ASAH2: variants seen among roughly 807,000 people sequenced by gnomAD.
ASAH2 encodes the protein N-acylsphingosine amidohydrolase 2.
In ASAH2, 58 loss-of-function variants were observed where a neutral mutation model predicts 82.9. The ratio of observed to expected loss-of-function variants is 0.70; its 90% CI spans 0.57 to 0.87. The LOEUF (loss-of-function observed/expected upper bound fraction) is 0.87, where lower values mean the gene tolerates loss of function less well. Ranked by LOEUF, ASAH2 falls within the 40% of genes least tolerant of loss-of-function variation. ASAH2 has a pLI of 0.00. For missense variants in ASAH2, 779 were observed against 834.0 expected, an observed-to-expected ratio of 0.93 and a Z score of 0.81; for synonymous variants, 276 against 289.7, an observed-to-expected ratio of 0.95 and a Z score of 0.48.
At chr10:50,234,699 T>TC in intron 5 of ASAH2, 147 bp from the exon 6 acceptor site, 2 of 1,142,370 alleles carry the variant, frequency 1.8e-6, no homozygotes, top group Non-Finnish European at 1.3e-6. Context: ...GAGAACCACA[T>TC]CGCTGTTGAC....
rs1589348176 is a variant in ASAH2 at position 50,230,768 on chromosome 10, G to A, written c.893+2416C>T. ...TAAATGATTCAAAAACTGGCCAGGT[G>A]CAGTAGCTCACACCTGTAATCCAAG... On this transcript the variant is annotated intron_variant, in intron 7 of 20. Transcript: ENST00000682911. 3.3e-5 allele frequency among the ~76,000 whole-genome samples: 5 copies of A among 152,194 alleles called. No individual in the cohort carries two copies. In the East Asian group the frequency reaches 9.7e-4, roughly 29 times the overall value.
intron 4 of ASAH2, among the ~76,000 whole-genome samples, chr10:50,238,488 A>T (rs1846212568): frequency 6.6e-6 from 1 of 152,152 alleles, no homozygotes; most frequent in African/African-American, 2.4e-5. Flanking sequence ...CTTTGGTCCT[A>T]ACTCCAGCCC....
intron 3 of ASAH2, 135 bp from the exon 4 acceptor site, chr10:50,243,486 G>A (rs1188130336): frequency 2.9e-5 from 26 of 890,230 alleles, no homozygotes; most frequent in Non-Finnish European, 4.0e-5. Context: ...CTGAGTGAGA[G>A]GATATATGTT....
intron 4 of ASAH2, among the ~76,000 whole-genome samples, chr10:50,238,228 G>T (rs960171046): frequency 6.6e-6 from 1 of 152,066 alleles, no homozygotes; most frequent in East Asian, 1.9e-4. Context: ...CTCACTGCTG[G>T]TAAGTGGGGA....
intron 4 of ASAH2, among the ~76,000 whole-genome samples, chr10:50,241,267 G>C (rs1846285608): frequency 6.6e-6 from 1 of 152,154 alleles, no homozygotes; most frequent in African/African-American, 2.4e-5. Flanking sequence ...AATCATAAGT[G>C]TTTGTTGTTT....
chr10:50,200,845 G>T (rs1845129445), intron 16 of ASAH2, among the ~76,000 whole-genome samples: 1 of 152,120 alleles, frequency 6.6e-6, no homozygotes, highest in Admixed American at 6.6e-5. Flanking sequence ...GAAGAGAGTG[G>T]TTCCCTGGCA....
rs1457585566 is a variant in ASAH2, at chr10:50,245,314, T to C, written c.268A>G (p.Thr90Ala). 1 of 1,613,908 alleles carries C rather than the reference T, an allele frequency of 6.2e-7. No homozygotes were observed. Reference protein sequence around the residue: ...TATQTSPVPLTPESPLFQNFS... With the variant: ...TATQTSPVPLAPESPLFQNFS... ...TTCTGAAATAGAGGAGACTCTGGGG[T>C]TAAAGGCACTGGAGAAGTTTGAGTG... Residue 90 changes from threonine (T) to alanine (A), a missense_variant, in exon 3 of 21, where the codon ACC becomes GCC. Transcript: ENST00000682911.
chr10:50,201,810 T>C (rs1036292085), intron 16 of ASAH2, among the ~76,000 whole-genome samples: 3 of 152,168 alleles, frequency 2.0e-5, no homozygotes, highest in African/African-American at 7.2e-5. Context: ...TATGTGCTTC[T>C]TTATTATGCT....
chr10:50,224,050 TGG>T (rs1270310883), intron 7 of ASAH2, among the ~76,000 whole-genome samples: 13 of 152,192 alleles, frequency 8.5e-5, no homozygotes, highest in Admixed American at 6.5e-4. Context: ...TGATAATGTG[TGG>T]CTTCCCTAGG....
chr10:50,245,531 A>G (rs1039249569), intron 2 of ASAH2, 77 bp from the exon 3 acceptor site: 8 of 1,287,200 alleles, frequency 6.2e-6, no homozygotes, highest in African/African-American at 6.1e-5. Context: ...CACAATATAT[A>G]GGCTCAGGTT....
rs35374449 is a variant in ASAH2 at position 50,242,630 on chromosome 10, ATCTC to A, written c.510+568_510+571del. Among the ~76,000 whole-genome samples the A allele has an allele frequency of 2.4e-3, 361 of 150,988 alleles. 1 individual carries two copies. The highest frequency in any genetic ancestry group is 6.0e-3 in the African/African-American group (249 of 41,200). ...TTGGTTGGTTGCTTGCTCGCTTTCT[ATCTC>A]TCTCTCTCTCTCCGTCTCCTCCTCC... On this transcript the variant is annotated intron_variant, in intron 4 of 20. Coordinates refer to ENST00000682911, the MANE Select transcript of ASAH2 (RefSeq NM_019893.4).
At position 50,214,786 on chromosome 10, in the gene ASAH2, C is replaced by G; in HGVS notation, c.1097G>C (p.Gly366Ala). The change falls in exon 9 of 21, where the codon GGA becomes GCA. Residue 366 changes from glycine (G) to alanine (A), a missense_variant. This residue lies in a region of ASAH2 where 759 missense variants were observed against 755.2 expected (regional missense o/e 1.00). Coordinates refer to ENST00000682911, the MANE Select transcript of ASAH2 (RefSeq NM_019893.4). The stretch of plus-strand genomic sequence containing the variant: ...GCTATTGGCGTTATCACAGGACTCT[C>G]CTGTGTTGATGCAACGTGGTCCAAG... ...NILGPRCINT[G>A]ESCDNANSTC... 4 of 1,613,776 alleles carry G rather than the reference C, an allele frequency of 2.5e-6. No homozygotes were observed. The highest frequency in any genetic ancestry group is 2.5e-6 in the Non-Finnish European group (3 of 1,179,716).
At chr10:50,224,918 G>A (rs901406192) in intron 7 of ASAH2, among the ~76,000 whole-genome samples, 22 of 152,192 alleles carry the variant, frequency 1.4e-4, no homozygotes, top group Admixed American at 1.4e-3. Context: ...AATACACACC[G>A]GACTGCTCAG....
chr10:50,239,100 G>C (rs1203030435), intron 4 of ASAH2, among the ~76,000 whole-genome samples: 3 of 152,096 alleles, frequency 2.0e-5, no homozygotes, highest in Admixed American at 2.0e-4. Flanking sequence ...ACTCTTGGGA[G>C]CATGACACAG....
intron 17 of ASAH2, 111 bp downstream of exon 17, chr10:50,198,940 T>C: frequency 8.3e-7 from 1 of 1,201,706 alleles, no homozygotes; most frequent in Non-Finnish European, 1.2e-6. Flanking sequence ...GCTAAGGTTC[T>C]CTTTCACTTC....
chr10:50,216,743 C>T (rs1202853593), intron 8 of ASAH2, among the ~76,000 whole-genome samples: 1 of 152,136 alleles, frequency 6.6e-6, no homozygotes, highest in Non-Finnish European at 1.5e-5. Context: ...TACCATTCTA[C>T]CTTAAATGGC....
Position 50,185,242 on chromosome 10 carries a change from G to A in ASAH2, c.*2073C>T, listed in dbSNP as rs1197549458. ...CTTCATGATATTCTTTTATGCACAG[G>A]TAAAGAACTGATATTGATAATCCAG... is the stretch of plus-strand genomic sequence containing the variant. On this transcript the variant is annotated 3_prime_UTR_variant, in exon 21 of 21. Transcript: ENST00000682911. 6.6e-6 allele frequency: 1 copy of A among 150,498 alleles called. No homozygotes were observed. Among genetic ancestry groups the A allele is most frequent in the Non-Finnish European group, 1.5e-5 (1 of 67,530 alleles). 9.3% of individuals were successfully genotyped at this position (150,498 alleles called of 1,614,324 possible).
chr10:50,217,592 TA>T (rs1213117054), intron 8 of ASAH2, among the ~76,000 whole-genome samples: 76 of 152,282 alleles, frequency 5.0e-4, no homozygotes, highest in South Asian at 1.0e-3. Context: ...ATTTTATTGG[TA>T]ATAGCATGAG....
At chr10:50,222,033 G>A (rs1845763628) in intron 7 of ASAH2, among the ~76,000 whole-genome samples, 1 of 152,196 alleles carries the variant, frequency 6.6e-6, no homozygotes, top group Non-Finnish European at 1.5e-5. Context: ...GGAGGGCCCT[G>A]TGTTCAGAGA....
Sources: gnomAD v4.1 joint callset for allele counts (sites outside exome capture counted in the v4.1 genomes callset) on GRCh38, gnomAD v4.1.1 for gene constraint, gnomAD v4.1.1 regional missense constraint, MANE v1.5 for transcripts, NCBI Gene and HGNC (gene_info 2026-07-23, HGNC 2026-07-21) for gene names.